The following CNTN4 variants were observed in gnomAD, a reference collection of about 807,000 sequenced individuals.
The protein encoded by CNTN4 is contactin-4.
In CNTN4, 77 loss-of-function variants were observed where a neutral mutation model predicts 122.5. That is an observed-to-expected ratio of 0.63 (90% CI 0.52 to 0.76). The LOEUF is 0.76. Ranked by LOEUF, CNTN4 falls within the 30% of genes least tolerant of loss-of-function variation. The pLI is 0.00. For missense variants in CNTN4, 1,256 were observed against 1,259.1 expected (o/e 1.00, Z 0.04); for synonymous variants, 512 against 447.0 (o/e 1.15, Z -1.83).
intron 9 of CNTN4, among the ~76,000 whole-genome samples, chr3:2,886,815 G>T (rs1246700535): frequency 6.6e-6 from 1 of 152,110 alleles, no homozygotes; most frequent in East Asian, 1.9e-4. Context: ...CACCCTGCCA[G>T]ATCACCTTAT....
intron 10 of CNTN4, among the ~76,000 whole-genome samples, chr3:2,897,998 AC>A (rs1246742620): frequency 1.3e-5 from 2 of 152,246 alleles, no homozygotes; most frequent in East Asian, 3.9e-4. Context: ...TTATCTAAGG[AC>A]TTTGAACTAG....
At chr3:2,757,160 G>C (rs570912240) in intron 6 of CNTN4, among the ~76,000 whole-genome samples, 43 of 152,282 alleles carry the variant, frequency 2.8e-4, no homozygotes, top group African/African-American at 8.9e-4. Context: ...CCCCTGGAGA[G>C]CATAACAGAG....
chr3:2,954,486 AG>A (rs770477340), intron 13 of CNTN4, among the ~76,000 whole-genome samples: 4 of 150,504 alleles, frequency 2.7e-5, no homozygotes, highest in Non-Finnish European at 5.9e-5. Flanking sequence ...TATATTTATC[AG>A]TTTTTTTTCT....
At chr3:3,020,642 C>A (rs991366774) in intron 14 of CNTN4, among the ~76,000 whole-genome samples, 3 of 152,136 alleles carry the variant, frequency 2.0e-5, no homozygotes, top group African/African-American at 7.2e-5. Context: ...AGCCTATTTC[C>A]CTGTTGGAAA....
At chr3:2,975,033 T>A (rs958246901) in intron 13 of CNTN4, among the ~76,000 whole-genome samples, 25 of 152,276 alleles carry the variant, frequency 1.6e-4, no homozygotes, top group African/African-American at 6.0e-4. Flanking sequence ...CTTCCAGGCA[T>A]TTTAGTTACC....
rs1409366679 is a variant in CNTN4, at chr3:2,238,907, A to T, written c.-144-100271A>T. 2 of 114,578 alleles carry T rather than the reference A, an allele frequency of 1.7e-5. 1 individual carries two copies. Among genetic ancestry groups the T allele is most frequent in the Non-Finnish European group, 3.7e-5 (2 of 53,570 alleles). 7.1% of individuals were successfully genotyped at this position (114,578 alleles called of 1,614,324 possible). ...ACGCCTGGCTAATTTTTGTATTTTT[A>T]GTAGAGACGGGGTTTCACCGTGTTA... On this transcript the variant is annotated intron_variant, in intron 2 of 24. Transcript: ENST00000418658.
intron 3 of CNTN4, among the ~76,000 whole-genome samples, chr3:2,346,712 A>T (rs1337292460): frequency 6.6e-6 from 1 of 152,162 alleles, no homozygotes; most frequent in Non-Finnish European, 1.5e-5. Flanking sequence ...TCAAATTGAT[A>T]TGCTTATGTA....
intron 2 of CNTN4, among the ~76,000 whole-genome samples, chr3:2,126,187 C>G (rs2034150982): frequency 6.6e-6 from 1 of 152,030 alleles, no homozygotes; most frequent in African/African-American, 2.4e-5. Context: ...GGATCTCTAA[C>G]CGCTTAAAAT....
intron 3 of CNTN4, among the ~76,000 whole-genome samples, chr3:2,436,407 T>C (rs2048259644): frequency 2.6e-5 from 4 of 152,164 alleles, no homozygotes. Flanking sequence ...ACTCAGCAAC[T>C]GATTAGAGTC....
intron 2 of CNTN4, among the ~76,000 whole-genome samples, chr3:2,259,275 A>C (rs1376816321): frequency 6.6e-6 from 1 of 152,196 alleles, no homozygotes; most frequent in East Asian, 1.9e-4. Context: ...AATCAGTGAA[A>C]ATCGTCACTA....
At position 2,224,978 on chromosome 3, in the gene CNTN4, G is replaced by A. The variant is rs541309883; in HGVS notation, c.-144-114200G>A. 8.1e-5 allele frequency among the ~76,000 whole-genome samples: 12 copies of A among 147,414 alleles called. No individual in the cohort carries two copies. The South Asian group carries it at 1.1e-3, about 14-fold the overall frequency. The stretch of plus-strand genomic sequence containing the variant: ...ATCCTGGCTAACTTGGTGAAACCCC[G>A]TCTCTACTAAAAAATACAAAAATTA... On this transcript the variant is annotated intron_variant, in intron 2 of 24. Transcript: ENST00000418658.
chr3:2,811,988 C>A (rs527591291), intron 6 of CNTN4, among the ~76,000 whole-genome samples: 9 of 152,190 alleles, frequency 5.9e-5, no homozygotes, highest in African/African-American at 1.9e-4. Flanking sequence ...TATTTACATC[C>A]TTTAAAAAAG....
chr3:2,708,214 T>TA (rs2086858659), intron 4 of CNTN4, among the ~76,000 whole-genome samples: 1 of 152,172 alleles, frequency 6.6e-6, no homozygotes, highest in South Asian at 2.1e-4. Flanking sequence ...GACATGAAGT[T>TA]AAAATATATA....
chr3:2,232,804 C>A (rs1373264639), intron 2 of CNTN4, among the ~76,000 whole-genome samples: 3 of 151,998 alleles, frequency 2.0e-5, no homozygotes, highest in Non-Finnish European at 4.4e-5. Context: ...TTTTTCTTAG[C>A]TCTTATCACT....
At chr3:3,010,138 G>A (rs1391987536) in intron 14 of CNTN4, among the ~76,000 whole-genome samples, 2 of 151,904 alleles carry the variant, frequency 1.3e-5, no homozygotes, top group African/African-American at 4.8e-5. Flanking sequence ...ACCTACCTCT[G>A]TATTACCTGC....
At chr3:2,911,194 A>G (rs1345208195) in intron 12 of CNTN4, among the ~76,000 whole-genome samples, 3 of 122,694 alleles carry the variant, frequency 2.4e-5, no homozygotes, top group Non-Finnish European at 5.1e-5. Context: ...CCCCCTGAGA[A>G]CAAAGTCTTA....
At chr3:2,315,484 A>AT (rs1031966796) in intron 2 of CNTN4, among the ~76,000 whole-genome samples, 3 of 151,718 alleles carry the variant, frequency 2.0e-5, no homozygotes, top group South Asian at 2.1e-4. Context: ...TAACAGTATT[A>AT]TTTTTTTTAA....
intron 13 of CNTN4, among the ~76,000 whole-genome samples, chr3:2,934,165 T>G (rs1397285469): frequency 6.6e-6 from 1 of 152,224 alleles, no homozygotes; most frequent in African/African-American, 2.4e-5. Flanking sequence ...TGGACCAGTT[T>G]TGAAGACACA....
chr3:2,954,475 T>C (rs1158766549), intron 13 of CNTN4, among the ~76,000 whole-genome samples: 2 of 152,038 alleles, frequency 1.3e-5, no homozygotes, highest in African/African-American at 4.8e-5. Context: ...GAAATTGCAA[T>C]TATATTTATC....
Sources: gnomAD v4.1 joint callset for allele counts (sites outside exome capture counted in the v4.1 genomes callset) on GRCh38, gnomAD v4.1.1 for gene constraint, MANE v1.5 for transcripts, NCBI Gene and HGNC (gene_info 2026-07-23, HGNC 2026-07-21) for gene names.